PCF11: variants seen among roughly 807,000 people sequenced by gnomAD.
The protein encoded by PCF11 is pre-mRNA cleavage complex 2 protein Pcf11.
PCF11 carries 19 observed loss-of-function variants against 166.1 expected under a neutral mutation model. That is an observed-to-expected ratio of 0.11 (90% CI 0.08 to 0.17). The LOEUF (loss-of-function observed/expected upper bound fraction) is 0.17, where lower values mean the gene tolerates loss of function less well. Among genes scored for constraint, PCF11 ranks in the 10% least tolerant of loss-of-function variants. The pLI is 1.00. For synonymous variants in PCF11, 663 were observed against 644.1 expected (o/e 1.03, Z -0.44); for missense variants, 1,565 against 1,855.5 (o/e 0.84, Z 2.88).
exon 3 of PCF11, chr11:83,163,807 T>C: frequency 6.3e-7 from 1 of 1,593,652 alleles, no homozygotes; most frequent in Non-Finnish European, 8.5e-7. Context: ...CTATTAAACC[T>C]CTACCCCCCA....
At chr11:83,181,140 A>G (rs1047243020) in exon 12 of PCF11, 22 of 1,611,412 alleles carry the variant, frequency 1.4e-5, no homozygotes, top group Non-Finnish European at 1.7e-5. Flanking sequence ...ATAGAACTGA[A>G]AAGGATGTTA....
intron 2 of PCF11, among the ~76,000 whole-genome samples, chr11:83,162,678 T>TA (rs1860303288): frequency 6.6e-6 from 1 of 152,254 alleles, no homozygotes; most frequent in Non-Finnish European, 1.5e-5. Context: ...TCTGAAGACT[T>TA]ATGAATATAG....
intron 9 of PCF11, among the ~76,000 whole-genome samples, chr11:83,172,902 G>A (rs183578263): frequency 4.2e-4 from 64 of 152,240 alleles, no homozygotes; most frequent in African/African-American, 1.5e-3. Context: ...TCCTAGCCAA[G>A]CTCTTTTTTA....
At chr11:83,174,389 T>C (rs1053569512) in intron 9 of PCF11, among the ~76,000 whole-genome samples, 1 of 149,762 alleles carries the variant, frequency 6.7e-6, no homozygotes, top group Non-Finnish European at 1.5e-5. Flanking sequence ...TTTTAAAGTT[T>C]TTTTTTTTTT....
In PCF11 at chr11:83,164,240, A is replaced by G. The variant is rs755577348; in HGVS notation, c.541A>G (p.Ser181Gly). Residue 181 changes from serine to glycine, a missense_variant, in exon 4 of 16, where the codon AGT (serine) becomes GGT (glycine). Ser to Gly is a moderately conservative substitution (Grantham distance 56). Transcript: ENST00000298281. ...GCCTTCAACACCTGGTACAGTGGTC[A>G]GTTCCCCTAGCATCTCCACTCCTCC... The G allele has an allele frequency of 5.6e-6, 9 of 1,613,472 alleles. No individual in the cohort carries two copies. The East Asian group carries it at 1.8e-4, about 32-fold the overall frequency.
exon 16 of PCF11, chr11:83,185,092 T>G: frequency 4.2e-6 from 2 of 475,732 alleles, no homozygotes; most frequent in Non-Finnish European, 7.3e-6. Flanking sequence ...GTGCTTGTTG[T>G]GTGAAAGTTC....
At chr11:83,157,807 G>C (rs770225332) in intron 1 of PCF11, 176 bp downstream of exon 1, 14 of 619,824 alleles carry the variant, frequency 2.3e-5, no homozygotes, top group East Asian at 1.6e-4. Flanking sequence ...GGGCCTCTGG[G>C]GGGGAGGGAG....
chr11:83,167,765 A>C lies in PCF11; in HGVS notation c.2092+260A>C. 2.1e-6 allele frequency: 3 copies of C among 1,426,150 alleles called. No individual in the cohort carries two copies. The South Asian group carries it at 3.6e-5, about 17-fold the overall frequency. The allele number at this position is 1,426,150 out of a possible 1,614,324, so 88.3% of individuals were successfully genotyped here. The stretch of plus-strand genomic sequence containing the variant: ...AACATGCAAGTAGGAATAGTGGAGC[A>C]CAGTTTGACAGAAAAGAACAATTTA... On this transcript the variant is annotated intron_variant, in intron 7 of 15. Coordinates refer to ENST00000298281, the Ensembl canonical transcript of PCF11. The surrounding 1 kb of genome is among the most constrained non-coding windows in gnomAD (Gnocchi z 4.2).
At chr11:83,157,901 G>A (rs764312673) in intron 1 of PCF11, 2 of 479,290 alleles carry the variant, frequency 4.2e-6, no homozygotes, top group Admixed American at 3.4e-5. Flanking sequence ...ACACACACAC[G>A]CTTTGAATAG....
chr11:83,164,117 A>T, intron 3 of PCF11, 90 bp from the exon 4 acceptor site: 2 of 829,936 alleles, frequency 2.4e-6, no homozygotes, highest in Non-Finnish European at 3.7e-6. Context: ...AGGAATTTGG[A>T]TCATATTAAG....
chr11:83,184,769 C>G (rs953415952), exon 16 of PCF11: 2 of 1,612,062 alleles, frequency 1.2e-6, no homozygotes, highest in African/African-American at 1.3e-5. Context: ...AAACGAATTG[C>G]AGGAACCCTG....
chr11:83,175,710 T>C (rs6592103), intron 9 of PCF11, among the ~76,000 whole-genome samples: 152,236 of 152,256 alleles, frequency 1, 76,108 homozygotes, highest in Middle Eastern at 1. Flanking sequence ...GCTGAGATCG[T>C]GCCCCTGCAC....
intron 8 of PCF11, 30 bp downstream of exon 8, chr11:83,170,025 A>G: frequency 6.6e-7 from 1 of 1,517,744 alleles, no homozygotes; most frequent in Non-Finnish European, 8.8e-7. Flanking sequence ...ATTGCGTTGT[A>G]TGCAGATAAG....
chr11:83,168,332 T>C (rs934582518), intron 7 of PCF11, 96 bp from the exon 8 acceptor site: 3 of 1,163,646 alleles, frequency 2.6e-6, no homozygotes. Flanking sequence ...GCCCCTCTAA[T>C]GTAGTGAGAT....
At chr11:83,166,349 A>G (rs995891071) in exon 5 of PCF11, 2 of 1,613,846 alleles carry the variant, frequency 1.2e-6, no homozygotes, top group African/African-American at 2.7e-5. Flanking sequence ...GATCTCGATC[A>G]CCCAAGTCTA....
chr11:83,180,176 C>T (rs1185807710), intron 11 of PCF11: 1 of 150,998 alleles, frequency 6.6e-6, no homozygotes, highest in Non-Finnish European at 1.5e-5. Context: ...GCATCCTCCG[C>T]CTCCCGATTC....
exon 10 of PCF11, chr11:83,177,112 A>G: frequency 6.4e-7 from 1 of 1,568,834 alleles, no homozygotes. Context: ...TATCCTGATA[A>G]TCATCTCAGT....
intron 8 of PCF11, chr11:83,171,375 T>C (rs1475344035): frequency 4.6e-6 from 2 of 430,850 alleles, no homozygotes; most frequent in African/African-American, 2.0e-5. Flanking sequence ...TGGCCTCAGT[T>C]TTGCTCCTAA....
chr11:83,187,211 C>T (rs1447806074), exon 16 of PCF11: 1 of 152,208 alleles, frequency 6.6e-6, no homozygotes, highest in African/African-American at 2.4e-5. Context: ...GTGCCCGCCA[C>T]CACGCCTGGC....
Sources: allele counts gnomAD v4.1 joint callset (sites outside exome capture counted in the v4.1 genomes callset), GRCh38; gene constraint gnomAD v4.1.1; non-coding constraint Gnocchi (gnomAD v3.1); transcripts MANE v1.5; gene names NCBI Gene and HGNC (gene_info 2026-07-23, HGNC 2026-07-21).